The following ITPR1 variants were observed in gnomAD, a reference collection of about 807,000 sequenced individuals.
The protein encoded by ITPR1 is inositol 1,4,5-trisphosphate-gated calcium channel ITPR1.
A neutral mutation model predicts 318.4 loss-of-function variants in ITPR1; 96 were observed. The ratio of observed to expected loss-of-function variants is 0.30; its 90% CI spans 0.26 to 0.36. The LOEUF is 0.36. Among genes scored for constraint, ITPR1 ranks in the 10% least tolerant of loss-of-function variants. ITPR1 has a pLI of 1.00. For synonymous variants in ITPR1, 1,312 were observed against 1,289.9 expected (o/e 1.02, Z -0.37); for missense variants, 2,440 against 3,460.2 (o/e 0.71, Z 7.40).
chr3:4,796,768 C>T (rs946331275), intron 53 of ITPR1, among the ~76,000 whole-genome samples: 13 of 152,078 alleles, frequency 8.5e-5, no homozygotes, highest in Non-Finnish European at 1.3e-4. Flanking sequence ...TGGCTCCTGC[C>T]GCCCATTTGC....
chr3:4,528,565 C>G (rs528450676), intron 4 of ITPR1, among the ~76,000 whole-genome samples: 2 of 152,144 alleles, frequency 1.3e-5, no homozygotes, highest in African/African-American at 4.8e-5. Flanking sequence ...CCGTATCTTA[C>G]TTAGTTTTAA....
chr3:4,742,875 C>G (rs1188001695), intron 44 of ITPR1, among the ~76,000 whole-genome samples: 1 of 152,214 alleles, frequency 6.6e-6, no homozygotes, highest in African/African-American at 2.4e-5. Context: ...TATCATCCAG[C>G]AGGCCTGGGG....
chr3:4,786,045 G>A (rs2047177176), intron 51 of ITPR1, among the ~76,000 whole-genome samples: 1 of 152,196 alleles, frequency 6.6e-6, no homozygotes, highest in South Asian at 2.1e-4. Context: ...TAGCCCTGGA[G>A]TCTAGAACTC....
chr3:4,681,283 C>G, intron 25 of ITPR1, 81 bp from the exon 26 acceptor site: 2 of 969,618 alleles, frequency 2.1e-6, no homozygotes, highest in South Asian at 2.6e-5. Context: ...CAGCTTTACC[C>G]TGCAAAACTT....
At chr3:4,811,493 T>A in intron 56 of ITPR1, 33 bp downstream of exon 56, 1 of 1,514,282 alleles carries the variant, frequency 6.6e-7, no homozygotes, top group Non-Finnish European at 9.1e-7. Flanking sequence ...TTTTTAATGC[T>A]AAAAGATTAT....
intron 44 of ITPR1, among the ~76,000 whole-genome samples, chr3:4,739,664 A>G (rs2043556428): frequency 6.6e-6 from 1 of 152,198 alleles, no homozygotes; most frequent in Admixed American, 6.5e-5. Context: ...ACCTGTAGTT[A>G]TCTGTCACTG....
At chr3:4,609,817 G>A (rs13327131) in intron 4 of ITPR1, among the ~76,000 whole-genome samples, 9,052 of 152,258 alleles carry the variant, frequency 0.059, 382 homozygotes, top group Middle Eastern at 0.095. Context: ...GAACAGGACA[G>A]AGCTTCCTTT....
Position 4,846,240 on chromosome 3 carries a change from G to A in ITPR1, c.*15G>A. 6.6e-7 allele frequency: 1 copy of A among 1,509,886 alleles called. No homozygotes were observed. The highest frequency in any genetic ancestry group is 9.0e-7 in the Non-Finnish European group (1 of 1,108,358). The allele number at this position is 1,509,886 out of a possible 1,614,324, so 93.5% of individuals were successfully genotyped here. The stretch of plus-strand genomic sequence containing the variant: ...AACCAGCATAAGCAAATGAAAGAAA[G>A]GAATTGTATTTACCTTTTATAATTA... On this transcript the variant is annotated 3_prime_UTR_variant, in exon 62 of 62. Coordinates refer to ENST00000649015, the MANE Select transcript of ITPR1 (RefSeq NM_001378452.1).
At chr3:4,615,896 G>C (rs757772165) in intron 4 of ITPR1, among the ~76,000 whole-genome samples, 1 of 152,140 alleles carries the variant, frequency 6.6e-6, no homozygotes. Flanking sequence ...TTGTCAGCTC[G>C]AGTTTTCTAT....
chr3:4,706,158 C>G lies in ITPR1; in HGVS notation c.4658-9C>G, dbSNP rs778548882. On this transcript the variant is annotated splice_polypyrimidine_tract_variant and intron_variant, in intron 36 of 61. Transcript: ENST00000649015. ...TTGTAGGCTCACGACTCATCTTTCT[C>G]CTGTGCAGCCAAGAGCCGGGCCATT... 5.0e-6 allele frequency: 8 copies of G among 1,613,998 alleles called. No homozygotes were observed. The East Asian group carries it at 6.7e-5, about 13-fold the overall frequency.
intron 5 of ITPR1, among the ~76,000 whole-genome samples, chr3:4,637,405 G>A (rs907847600): frequency 6.6e-6 from 1 of 152,196 alleles, no homozygotes; most frequent in African/African-American, 2.4e-5. Context: ...GCTCAGGTGT[G>A]AAATTAGGGA....
At chr3:4,684,469 A>G (rs2094355839) in intron 29 of ITPR1, 123 bp downstream of exon 29, 4 of 697,468 alleles carry the variant, frequency 5.7e-6, no homozygotes, top group East Asian at 2.7e-5. Flanking sequence ...TTTAACAGGG[A>G]GAAAGTAGAG....
intron 4 of ITPR1, among the ~76,000 whole-genome samples, chr3:4,588,502 C>G (rs1306830515): frequency 6.6e-6 from 1 of 152,120 alleles, no homozygotes; most frequent in African/African-American, 2.4e-5. Context: ...TTCTGGATCT[C>G]CCTGACTCTC....
At chr3:4,753,359 G>A (rs560806592) in intron 44 of ITPR1, among the ~76,000 whole-genome samples, 15 of 152,182 alleles carry the variant, frequency 9.9e-5, no homozygotes, top group Middle Eastern at 3.4e-3. Context: ...CGCTGCCGCC[G>A]CCAAAGCCCT....
At chr3:4,592,838 C>T (rs2090498065) in intron 4 of ITPR1, among the ~76,000 whole-genome samples, 1 of 152,186 alleles carries the variant, frequency 6.6e-6, no homozygotes, top group Non-Finnish European at 1.5e-5. Context: ...GTCACAGGCC[C>T]ACCTTTGGAG....
chr3:4,738,390 A>G (rs3804999), intron 44 of ITPR1, among the ~76,000 whole-genome samples: 43,999 of 152,032 alleles, frequency 0.29, 6,624 homozygotes, highest in African/African-American at 0.34. Context: ...ACAAACAGAG[A>G]CCCTGTCACT....
rs141447023 is a variant in ITPR1, at chr3:4,621,025, T to G, written c.164-6738T>G. On this transcript the variant is annotated intron_variant, in intron 4 of 61. Transcript: ENST00000649015. The stretch of plus-strand genomic sequence containing the variant: ...TACTCAGCATTTCAGCTTGGATGTT[T>G]CGTATGCATCTCAAACTAAGCAGAG... Among the ~76,000 whole-genome samples, 753 of 152,174 alleles carry G rather than the reference T, an allele frequency of 4.9e-3. 6 individuals carry two copies. Among genetic ancestry groups the G allele is most frequent in the African/African-American group, 0.017 (720 of 41,490 alleles).
chr3:4,563,994 T>G (rs891944258), intron 4 of ITPR1, among the ~76,000 whole-genome samples: 5 of 151,196 alleles, frequency 3.3e-5, no homozygotes, highest in Admixed American at 6.6e-5. Context: ...CAGACTGGAG[T>G]GTAGTGGCGC....
At chr3:4,744,393 T>G (rs958411548) in intron 44 of ITPR1, among the ~76,000 whole-genome samples, 7 of 152,222 alleles carry the variant, frequency 4.6e-5, no homozygotes, top group African/African-American at 1.7e-4. Flanking sequence ...AGATGCCTCT[T>G]GGGAACTGCC....
Sources: gnomAD v4.1 joint callset for allele counts (sites outside exome capture counted in the v4.1 genomes callset) on GRCh38, gnomAD v4.1.1 for gene constraint, MANE v1.5 for transcripts, NCBI Gene and HGNC (gene_info 2026-07-23, HGNC 2026-07-21) for gene names.